The following STPG2 variants were observed in gnomAD, a reference collection of about 807,000 sequenced individuals.
STPG2 encodes sperm tail PG-rich repeat containing 2, also known as sperm-tail PG-rich repeat-containing protein 2.
In STPG2, 56 loss-of-function variants were observed where a neutral mutation model predicts 54.2. The ratio of observed to expected loss-of-function variants is 1.03; its 90% CI spans 0.83 to 1.29. STPG2 has a LOEUF of 1.29. Ranked by LOEUF, STPG2 falls within the 50% of genes most tolerant of loss-of-function variation. The pLI is 0.00. For missense variants in STPG2, 596 were observed against 544.9 expected (o/e 1.09, Z -0.93); for synonymous variants, 200 against 181.8 (o/e 1.10, Z -0.81).
intron 5 of STPG2, 30 bp downstream of exon 5, chr4:98,105,923 A>G (rs780434056): frequency 6.6e-7 from 1 of 1,517,730 alleles, no homozygotes; most frequent in Non-Finnish European, 9.0e-7. Context: ...AAATTGGGAA[A>G]ATATATGCAT....
chr4:97,796,734 G>C (rs919988511), intron 9 of STPG2, among the ~76,000 whole-genome samples: 6 of 152,140 alleles, frequency 3.9e-5, no homozygotes, highest in Non-Finnish European at 7.4e-5. Flanking sequence ...CCAATTCTGT[G>C]AAGAAAGTCA....
chr4:97,792,291 T>A (rs1039453795), intron 9 of STPG2, among the ~76,000 whole-genome samples: 1 of 152,206 alleles, frequency 6.6e-6, no homozygotes, highest in African/African-American at 2.4e-5. Context: ...CAGCACCTCT[T>A]AACGTTTTTC....
intron 5 of STPG2, among the ~76,000 whole-genome samples, chr4:98,073,842 T>G (rs1349547782): frequency 6.6e-6 from 1 of 152,144 alleles, no homozygotes; most frequent in Non-Finnish European, 1.5e-5. Context: ...CAAGTATATT[T>G]TAAGTAAAAT....
intron 3 of STPG2, among the ~76,000 whole-genome samples, chr4:98,111,706 T>G (rs1275167397): frequency 6.6e-6 from 1 of 152,282 alleles, no homozygotes; most frequent in Non-Finnish European, 1.5e-5. Context: ...AAGTGTTATT[T>G]CTGGGTATGT....
At chr4:97,688,768 TGAA>T (rs1379154897) in intron 10 of STPG2, among the ~76,000 whole-genome samples, 3 of 152,126 alleles carry the variant, frequency 2.0e-5, no homozygotes, top group Non-Finnish European at 4.4e-5. Flanking sequence ...TATAGAATAA[TGAA>T]GAAAATAAAG....
rs200375140 is a variant in STPG2 at position 98,132,948 on chromosome 4, TAAAAAAA to T, written c.222+1392_222+1398del. 2.1e-3 allele frequency among the ~76,000 whole-genome samples: 216 copies of T among 101,562 alleles called. 1 individual carries two copies. Among genetic ancestry groups the T allele is most frequent in the African/African-American group, 5.7e-3 (165 of 28,982 alleles). 66.6% of individuals were successfully genotyped at this position (101,562 alleles called of 152,430 possible). A position where few individuals can be genotyped will look rare whatever the true frequency, so the allele number is the denominator to read the frequency against. On this transcript the variant is annotated intron_variant, in intron 2 of 10. Coordinates refer to ENST00000295268, the MANE Select transcript of STPG2 (RefSeq NM_174952.3). The stretch of plus-strand genomic sequence containing the variant: ...AAAAATTTTTACCCCTGAAATGAAC[TAAAAAAA>T]AAAAAAAAAAAAAAAAAGTTGGCAT...
chr4:98,142,929 T>C, intron 1 of STPG2, 113 bp downstream of exon 1: 1 of 869,570 alleles, frequency 1.1e-6, no homozygotes, highest in Non-Finnish European at 1.9e-6. Context: ...TGTTTTGTTA[T>C]GTTTACAAAA....
chr4:97,741,434 A>G (rs1191250895), intron 9 of STPG2, among the ~76,000 whole-genome samples: 1 of 151,828 alleles, frequency 6.6e-6, no homozygotes, highest in Non-Finnish European at 1.5e-5. Context: ...GCAACCTACA[A>G]AATGGGAGAA....
intron 9 of STPG2, among the ~76,000 whole-genome samples, chr4:97,782,866 C>T (rs949426068): frequency 9.3e-4 from 142 of 152,094 alleles, no homozygotes; most frequent in African/African-American, 3.0e-3. Context: ...CTGGGAAAAC[C>T]GGCTAGCCAT....
chr4:97,746,127 A>G (rs1017232562), intron 9 of STPG2, among the ~76,000 whole-genome samples: 3 of 151,316 alleles, frequency 2.0e-5, no homozygotes, highest in African/African-American at 7.3e-5. Flanking sequence ...GTCTGAATAA[A>G]AAGTTATGAA....
chr4:97,845,896 TGG>T (rs901969695), intron 8 of STPG2, among the ~76,000 whole-genome samples: 9 of 152,180 alleles, frequency 5.9e-5, no homozygotes, highest in African/African-American at 2.2e-4. Flanking sequence ...GACTAAAGAC[TGG>T]TATTGTCACA....
At chr4:98,092,960 T>G (rs1738734382) in intron 5 of STPG2, among the ~76,000 whole-genome samples, 1 of 152,178 alleles carries the variant, frequency 6.6e-6, no homozygotes, top group Non-Finnish European at 1.5e-5. Flanking sequence ...CACATAATTT[T>G]TAGGCATTTG....
intron 9 of STPG2, among the ~76,000 whole-genome samples, chr4:97,738,231 C>T (rs368981512): frequency 6.6e-6 from 1 of 152,146 alleles, no homozygotes; most frequent in South Asian, 2.1e-4. Flanking sequence ...TGGAAAGGAA[C>T]AATGGGTACC....
chr4:97,813,732 A>G (rs1285570231), intron 9 of STPG2, among the ~76,000 whole-genome samples: 1 of 149,256 alleles, frequency 6.7e-6, no homozygotes, highest in African/African-American at 2.4e-5. Context: ...TAAATAAAAA[A>G]TGTACACAAT....
At chr4:97,724,767 A>G (rs1213232419) in intron 9 of STPG2, among the ~76,000 whole-genome samples, 1 of 152,160 alleles carries the variant, frequency 6.6e-6, no homozygotes, top group Non-Finnish European at 1.5e-5. Context: ...TGGTAATAGT[A>G]GGTATCCTTG....
intron 9 of STPG2, among the ~76,000 whole-genome samples, chr4:97,768,094 G>T (rs968951581): frequency 1.3e-5 from 2 of 151,614 alleles, no homozygotes; most frequent in Non-Finnish European, 2.9e-5. Context: ...GTGAACCCAG[G>T]AGGCGGATCT....
At chr4:97,584,480 A>C (rs1732942148) in intron 10 of STPG2, among the ~76,000 whole-genome samples, 1 of 152,064 alleles carries the variant, frequency 6.6e-6, no homozygotes, top group Non-Finnish European at 1.5e-5. Flanking sequence ...GAAACAGAGA[A>C]ACAAGAACAC....
chr4:97,733,837 T>C (rs1471097860), intron 9 of STPG2, among the ~76,000 whole-genome samples: 2 of 152,184 alleles, frequency 1.3e-5, no homozygotes, highest in African/African-American at 4.8e-5. Flanking sequence ...AAGGATCTGT[T>C]TGAAGTGTGA....
intron 5 of STPG2, among the ~76,000 whole-genome samples, chr4:98,103,771 T>G (rs7673385): frequency 0.39 from 59,290 of 151,776 alleles, 11,798 homozygotes; most frequent in Middle Eastern, 0.46. Context: ...ATCTCTCCTC[T>G]AGCTCTTCTA....
Sources: gnomAD v4.1 joint callset for allele counts (sites outside exome capture counted in the v4.1 genomes callset) on GRCh38, gnomAD v4.1.1 for gene constraint, MANE v1.5 for transcripts, NCBI Gene and HGNC (gene_info 2026-07-23, HGNC 2026-07-21) for gene names.